Variants in USP48 observed in about 807,000 individuals in gnomAD.
The protein encoded by USP48 is ubiquitin carboxyl-terminal hydrolase 48.
In USP48, 43 loss-of-function variants were observed where a neutral mutation model predicts 150.7. That is an observed-to-expected ratio of 0.29 (90% confidence interval 0.22 to 0.37). The LOEUF is 0.37. Ranked by LOEUF, USP48 falls within the 10% of genes least tolerant of loss-of-function variation. The pLI is 1.00. For synonymous variants in USP48, 396 were observed against 425.9 expected (o/e 0.93, Z 0.86); for missense variants, 813 against 1,249.6 (o/e 0.65, Z 5.27).
intron 15 of USP48, among the ~76,000 whole-genome samples, chr1:21,712,075 T>C (rs909604839): frequency 5.3e-5 from 8 of 152,134 alleles, no homozygotes; most frequent in Non-Finnish European, 1.2e-4. Flanking sequence ...ATTAAATGAG[T>C]TGGATGGGCA....
At position 21,706,840 on chromosome 1, in the gene USP48, T is replaced by C. The variant is rs1275436759; in HGVS notation, c.1992A>G (p.Arg664=). The change falls in exon 16 of 27, where the codon AGA becomes AGG. Residue 664 remains arginine (R), a synonymous_variant. Transcript: ENST00000308271. ...HGELCISENE[R]RLVSKEAWSK... ...TCCAAGCCTCTTTAGAAACAAGCCT[T>C]CTTTCATTTTCAGATATGCATAACT... 6.2e-7 allele frequency: 1 copy of C among 1,613,398 alleles called. No individual in the cohort carries two copies. Among genetic ancestry groups the C allele is most frequent in the African/African-American group, 1.3e-5 (1 of 74,788 alleles).
intron 15 of USP48, among the ~76,000 whole-genome samples, chr1:21,709,763 A>T (rs482791): frequency 1.3e-5 from 2 of 152,100 alleles, no homozygotes; most frequent in East Asian, 1.9e-4. Context: ...CTGGCTTTTA[A>T]GTGGGATGAG....
intron 8 of USP48, among the ~76,000 whole-genome samples, chr1:21,745,662 T>C (rs1467922648): frequency 2.6e-5 from 4 of 152,194 alleles, no homozygotes; most frequent in Admixed American, 6.6e-5. Context: ...TTTTGATAAA[T>C]ATTTTCTTTA....
intron 1 of USP48, among the ~76,000 whole-genome samples, chr1:21,780,605 G>A (rs745906692): frequency 1.3e-4 from 19 of 151,884 alleles, no homozygotes; most frequent in Non-Finnish European, 2.5e-4. Flanking sequence ...CAACATGGAT[G>A]ACCCTTAAAT....
chr1:21,760,961 C>T (rs952014564), intron 1 of USP48, among the ~76,000 whole-genome samples: 6 of 151,486 alleles, frequency 4.0e-5, no homozygotes, highest in Middle Eastern at 3.4e-3. Flanking sequence ...GGCATGGTGG[C>T]GCATGCCTGT....
intron 8 of USP48, among the ~76,000 whole-genome samples, chr1:21,745,412 C>T (rs1407273585): frequency 1.3e-5 from 2 of 150,670 alleles, no homozygotes; most frequent in African/African-American, 2.4e-5. Context: ...TTCAAGACCC[C>T]GTCTCTAAAA....
chr1:21,723,234 G>A (rs1186795444), intron 12 of USP48, among the ~76,000 whole-genome samples: 13 of 151,940 alleles, frequency 8.6e-5, no homozygotes, highest in Non-Finnish European at 8.8e-5. Context: ...AGTCACCATA[G>A]CTGGGCGGGT....
Position 21,751,215 on chromosome 1 carries a change from A to G in USP48, c.774+292T>C, listed in dbSNP as rs530246828. Among the ~76,000 whole-genome samples, 28 of 151,518 alleles carry G rather than the reference A, an allele frequency of 1.8e-4. 1 individual carries two copies. In the South Asian group the frequency reaches 5.8e-3, roughly 31 times the overall value. ...GACAACAAGGTAAAATACCTTTATG[A>G]TAACTCAGCATAGAGTTCTTTCAAT... On this transcript the variant is annotated intron_variant, in intron 6 of 26. Coordinates refer to ENST00000308271, the MANE Select transcript of USP48 (RefSeq NM_032236.8).
intron 1 of USP48, among the ~76,000 whole-genome samples, chr1:21,781,190 G>A (rs1443854939): frequency 6.8e-6 from 1 of 147,016 alleles, no homozygotes; most frequent in African/African-American, 2.5e-5. Flanking sequence ...AGGCCAAGGC[G>A]GTCAAATTAT....
At chr1:21,690,374 G>A (rs2097594514) in intron 23 of USP48, among the ~76,000 whole-genome samples, 1 of 152,142 alleles carries the variant, frequency 6.6e-6, no homozygotes, top group South Asian at 2.1e-4. Context: ...CAAGGATGGA[G>A]GTGTGGGGAA....
chr1:21,686,572 T>C (rs2097580795), intron 25 of USP48: 1 of 152,426 alleles, frequency 6.6e-6, no homozygotes, highest in African/African-American at 2.4e-5. Context: ...GGTTATTTTC[T>C]TGACTAGTTT....
chr1:21,739,029 T>G (rs1177545978), intron 8 of USP48, among the ~76,000 whole-genome samples: 1 of 152,156 alleles, frequency 6.6e-6, no homozygotes, highest in African/African-American at 2.4e-5. Context: ...AGAAGCCCAA[T>G]ACCATGTGAA....
chr1:21,707,094 C>A (rs916523139), intron 15 of USP48, among the ~76,000 whole-genome samples: 1 of 152,036 alleles, frequency 6.6e-6, no homozygotes, highest in Non-Finnish European at 1.5e-5. Context: ...CGTCCTTAAT[C>A]TAGGTCTGTG....
At chr1:21,708,513 C>G (rs926872078) in intron 15 of USP48, among the ~76,000 whole-genome samples, 5 of 151,198 alleles carry the variant, frequency 3.3e-5, no homozygotes, top group African/African-American at 7.3e-5. Context: ...CAAAAACAAA[C>G]AAACAAACAA....
In USP48 at chr1:21,721,028, A is replaced by C; in HGVS notation, c.1894+8T>G. ...CACAATGATCTACACATAGGTTTAA[A>C]GTGTTACCTTTATTTAAGGTGCTAC... On this transcript the variant is annotated splice_region_variant and intron_variant, in intron 14 of 26. Transcript: ENST00000308271. 1 of 1,614,050 alleles carries C rather than the reference A, an allele frequency of 6.2e-7. No individual in the cohort carries two copies. Among genetic ancestry groups the C allele is most frequent in the Non-Finnish European group, 8.5e-7 (1 of 1,179,930 alleles).
chr1:21,688,868 A>C (rs1427994397), intron 24 of USP48, among the ~76,000 whole-genome samples: 1 of 148,316 alleles, frequency 6.7e-6, no homozygotes, highest in Non-Finnish European at 1.5e-5. Context: ...AAAAAGAAGA[A>C]GCCCCTACTT....
Position 21,757,655 on chromosome 1 carries a change from T to C in USP48, c.255+8A>G, listed in dbSNP as rs773067406. 3.1e-6 allele frequency: 5 copies of C among 1,602,200 alleles called. No homozygotes were observed. The East Asian group carries it at 1.1e-4, about 36-fold the overall frequency. ...CATATAGCAATCGCTTAAAAAATGA[T>C]GGTTTACCTTTTTTCTCCTCTCACA... On this transcript the variant is annotated splice_region_variant and intron_variant, in intron 2 of 26. Coordinates refer to ENST00000308271, the MANE Select transcript of USP48 (RefSeq NM_032236.8).
intron 15 of USP48, among the ~76,000 whole-genome samples, chr1:21,709,811 A>G (rs183576705): frequency 2.0e-5 from 3 of 152,290 alleles, no homozygotes; most frequent in African/African-American, 7.2e-5. Flanking sequence ...ACCCAAATTC[A>G]TTTCTGAGAT....
intron 1 of USP48, among the ~76,000 whole-genome samples, chr1:21,771,874 C>T (rs542443172): frequency 4.0e-5 from 6 of 151,366 alleles, no homozygotes; most frequent in Admixed American, 1.3e-4. Context: ...GCCGAGATTG[C>T]GCCATTGCAC....
Sources: allele counts gnomAD v4.1 joint callset (sites outside exome capture counted in the v4.1 genomes callset), GRCh38; gene constraint gnomAD v4.1.1; transcripts MANE v1.5; gene names NCBI Gene and HGNC (gene_info 2026-07-23, HGNC 2026-07-21).